The following FBN2 variants were observed in gnomAD, a reference collection of about 807,000 sequenced individuals.
FBN2 encodes the protein fibrillin-2.
FBN2 carries 105 observed loss-of-function variants against 355.6 expected under a neutral mutation model. The ratio of observed to expected loss-of-function variants is 0.30; its 90% confidence interval spans 0.25 to 0.35. FBN2 has a LOEUF of 0.35. Ranked by LOEUF, FBN2 falls within the 10% of genes least tolerant of loss-of-function variation. The pLI is 1.00. For missense variants in FBN2, 3,280 were observed against 3,758.7 expected, an observed-to-expected ratio of 0.87 and a Z score of 3.33; for synonymous variants, 1,350 against 1,301.2, an observed-to-expected ratio of 1.04 and a Z score of -0.81.
At chr5:128,328,933 T>A in intron 33 of FBN2, 112 bp from the exon 34 acceptor site, 1 of 1,094,054 alleles carries the variant, frequency 9.1e-7, no homozygotes, top group Non-Finnish European at 1.4e-6. Context: ...CTCATTAACA[T>A]GAAACAACAG....
At position 128,311,295 on chromosome 5, in the gene FBN2, C is replaced by T. The variant is rs374651068; in HGVS notation, c.5074+5G>A. The T allele has an allele frequency of 1.8e-5, 29 of 1,613,922 alleles. No homozygotes were observed. Among genetic ancestry groups the T allele is most frequent in the African/African-American group, 2.7e-5 (2 of 74,906 alleles). ...TGAGCATTTTAGGCATCAAATTCAT[C>T]TCACCTTCACAGATGCGGGTATCCT... On this transcript the variant is annotated splice_donor_5th_base_variant and intron_variant, in intron 39 of 64. Transcript: ENST00000262464.
rs370355682 is a variant in FBN2 at position 128,259,748 on chromosome 5, C to G, written c.8446G>C (p.Glu2816Gln). The G allele has an allele frequency of 1.9e-6, 3 of 1,613,612 alleles. No individual in the cohort carries two copies. In the African/African-American group the frequency reaches 4.0e-5, roughly 22 times the overall value. ...GCGGGCCTTAGTTCCAGGATGTGCT[C>G]CTTAGAGCCGAGGTGGGAGAGGTTG... The part of the protein sequence containing the change: ...KFNLSHLGSK[E>Q]HILELRPAIQ... Residue 2816 changes from glutamate (E) to glutamine (Q), a missense_variant, in exon 65 of 65, where the codon GAG (glutamate) becomes CAG (glutamine). Physicochemically the swap from Glu to Gln is conservative, Grantham distance 29. Transcript: ENST00000262464.
At chr5:128,328,500 A>C in intron 34 of FBN2, 196 bp downstream of exon 34, 1 of 684,268 alleles carries the variant, frequency 1.5e-6, no homozygotes, top group Non-Finnish European at 2.6e-6. Context: ...CTTGGCCAGG[A>C]AAACTTCATA....
chr5:128,326,183 TA>T lies in FBN2; in HGVS notation c.4471+2512del, dbSNP rs552917372. 1.5e-3 allele frequency among the ~76,000 whole-genome samples: 224 copies of T among 152,336 alleles called. 1 individual carries two copies. The highest frequency in any genetic ancestry group is 0.014 in the Admixed American group (215 of 15,298). ...AGCTTCTATCTACTTTAGTACAGTTTAAATAACATCTCTTGATATCTTTCCT... is the reference window on the plus strand; with the variant it reads ...AGCTTCTATCTACTTTAGTACAGTTTAATAACATCTCTTGATATCTTTCCT... On this transcript the variant is annotated intron_variant, in intron 34 of 64. Coordinates refer to ENST00000262464, the MANE Select transcript of FBN2 (RefSeq NM_001999.4).
intron 5 of FBN2, among the ~76,000 whole-genome samples, chr5:128,472,652 A>C (rs974115848): frequency 6.6e-6 from 1 of 152,050 alleles, no homozygotes; most frequent in Non-Finnish European, 1.5e-5. Context: ...TTAGCTAGGC[A>C]TGGTGGCACA....
chr5:128,466,621 A>C (rs564965302), intron 5 of FBN2, among the ~76,000 whole-genome samples: 1 of 152,344 alleles, frequency 6.6e-6, no homozygotes, highest in African/African-American at 2.4e-5. Flanking sequence ...AGCAAAGAAC[A>C]GTTTAGAAGT....
chr5:128,515,009 G>A (rs984798271), intron 5 of FBN2, among the ~76,000 whole-genome samples: 1 of 152,050 alleles, frequency 6.6e-6, no homozygotes, highest in Non-Finnish European at 1.5e-5. Context: ...TATGTTACTT[G>A]AATGTTCATA....
chr5:128,277,425 G>T (rs1237885898), intron 58 of FBN2, among the ~76,000 whole-genome samples: 1 of 152,156 alleles, frequency 6.6e-6, no homozygotes, highest in Non-Finnish European at 1.5e-5. Context: ...CAAAATAATA[G>T]CAGAGAAACA....
chr5:128,358,944 G>A (rs1751570197), intron 19 of FBN2, among the ~76,000 whole-genome samples: 1 of 151,922 alleles, frequency 6.6e-6, no homozygotes, highest in African/African-American at 2.4e-5. Flanking sequence ...TAAATAATAT[G>A]TTGTTATGTT....
chr5:128,468,963 TAC>T (rs1380016487), intron 5 of FBN2, among the ~76,000 whole-genome samples: 2 of 152,202 alleles, frequency 1.3e-5, no homozygotes, highest in African/African-American at 4.8e-5. Flanking sequence ...ATTATTTATA[TAC>T]AGTGTTCTGA....
At chr5:128,511,106 T>C (rs1007108309) in intron 5 of FBN2, among the ~76,000 whole-genome samples, 5 of 152,244 alleles carry the variant, frequency 3.3e-5, no homozygotes, top group African/African-American at 1.2e-4. Flanking sequence ...TAATTTCCAA[T>C]TTATATTAAA....
chr5:128,313,292 T>A (rs1473137560), intron 36 of FBN2, among the ~76,000 whole-genome samples: 3 of 152,108 alleles, frequency 2.0e-5, no homozygotes, highest in Admixed American at 1.3e-4. Context: ...CTCCATTGAG[T>A]CTATGGGTTT....
At chr5:128,374,882 T>C (rs1752042188) in intron 14 of FBN2, 132 bp from the exon 15 acceptor site, 2 of 919,464 alleles carry the variant, frequency 2.2e-6, no homozygotes, top group Admixed American at 4.1e-5. Context: ...AACAAATAAG[T>C]GTGGTAACAG....
intron 6 of FBN2, among the ~76,000 whole-genome samples, chr5:128,463,658 T>C (rs1057268581): frequency 6.6e-6 from 1 of 152,174 alleles, no homozygotes; most frequent in African/African-American, 2.4e-5. Flanking sequence ...TTCAATGAAC[T>C]AAAGTTACGT....
intron 53 of FBN2, among the ~76,000 whole-genome samples, chr5:128,287,882 A>T (rs1749201202): frequency 6.7e-6 from 1 of 150,292 alleles, no homozygotes; most frequent in Non-Finnish European, 1.5e-5. Flanking sequence ...GGGAAGGAGA[A>T]ATACTATTTG....
Position 128,377,804 on chromosome 5 carries a change from C to A in FBN2, c.1797G>T (p.Gln599His). The A allele has an allele frequency of 6.2e-7, 1 of 1,613,508 alleles. No individual in the cohort carries two copies. The highest frequency in any genetic ancestry group is 8.5e-7 in the Non-Finnish European group (1 of 1,179,590). The change falls in exon 13 of 65, where the codon CAG becomes CAT. Residue 599 changes from glutamine to histidine, a missense_variant. Physicochemically the swap from Gln to His is conservative, Grantham distance 24. Around this residue, in one of 6 missense-constraint regions of FBN2, gnomAD observed 2,284 missense variants for 2,749.5 expected, o/e 0.83. Coordinates refer to ENST00000262464, the MANE Select transcript of FBN2 (RefSeq NM_001999.4). ...GRCVNTDGSF[Q>H]CICNAGFELT... Reference sequence around the variant, plus strand: ...ATTCAAAGCCGGCATTGCAAATGCACTGGAAACTTCCATCTGTGTTCACGC... The same window carrying A: ...ATTCAAAGCCGGCATTGCAAATGCAATGGAAACTTCCATCTGTGTTCACGC...
In FBN2 at chr5:128,311,961, A is replaced by G. The variant is rs372973541; in HGVS notation, c.4880-8T>C. 4 of 1,601,600 alleles carry G rather than the reference A, an allele frequency of 2.5e-6. No individual in the cohort carries two copies. The African/African-American group carries it at 5.4e-5, about 21-fold the overall frequency. ...ACAGGGTGTAATATTCAGCTACAAAACAATAGAAAAATAAGAGGTTTGATA... is the reference window on the plus strand; with the variant it reads ...ACAGGGTGTAATATTCAGCTACAAAGCAATAGAAAAATAAGAGGTTTGATA... On this transcript the variant is annotated splice_region_variant and splice_polypyrimidine_tract_variant and intron_variant, in intron 37 of 64. Coordinates refer to ENST00000262464, the MANE Select transcript of FBN2 (RefSeq NM_001999.4).
chr5:128,458,576 A>G (rs769118988), intron 6 of FBN2, among the ~76,000 whole-genome samples: 11 of 152,016 alleles, frequency 7.2e-5, no homozygotes, highest in Non-Finnish European at 1.3e-4. Flanking sequence ...AGCAAATGCA[A>G]AAGAACTGAA....
chr5:128,372,952 G>T (rs890601134), intron 15 of FBN2, among the ~76,000 whole-genome samples: 1 of 151,784 alleles, frequency 6.6e-6, no homozygotes, highest in Admixed American at 6.6e-5. Context: ...AGAATCAATG[G>T]GTCTAAAAAG....
Sources: gnomAD v4.1 joint callset for allele counts (sites outside exome capture counted in the v4.1 genomes callset) on GRCh38, gnomAD v4.1.1 for gene constraint, gnomAD v4.1.1 regional missense constraint, MANE v1.5 for transcripts, NCBI Gene and HGNC (gene_info 2026-07-23, HGNC 2026-07-21) for gene names.